Variants in CTNNA3 observed in about 807,000 individuals in gnomAD.
CTNNA3 encodes catenin alpha-3.
Under a neutral mutation model 95.7 loss-of-function variants are expected in CTNNA3, and 76 were observed. The ratio of observed to expected loss-of-function variants is 0.79; its 90% CI spans 0.66 to 0.96. The LOEUF (loss-of-function observed/expected upper bound fraction) is 0.96. CTNNA3 is among the 40% of genes least tolerant of loss of function. The probability of loss-of-function intolerance (pLI) is 0.00; values close to 1 mark genes in which losing one functional copy is unlikely to be tolerated. For synonymous variants in CTNNA3, 431 were observed against 374.4 expected, an observed-to-expected ratio of 1.15 and a Z score of -1.74; for missense variants, 1,191 against 1,089.8, an observed-to-expected ratio of 1.09 and a Z score of -1.31.
chr10:66,609,009 C>A (rs148597755), intron 10 of CTNNA3, among the ~76,000 whole-genome samples: 2 of 152,148 alleles, frequency 1.3e-5, no homozygotes, highest in East Asian at 3.9e-4. Flanking sequence ...AGAAAACTTA[C>A]AGAATGGGAG....
intron 11 of CTNNA3, among the ~76,000 whole-genome samples, chr10:66,496,696 G>A (rs777596132): frequency 6.6e-6 from 1 of 152,148 alleles, no homozygotes; most frequent in Non-Finnish European, 1.5e-5. Flanking sequence ...TTAGTTGACA[G>A]TGAACACACG....
chr10:66,906,630 T>A (rs1845998109), intron 7 of CTNNA3, among the ~76,000 whole-genome samples: 1 of 152,120 alleles, frequency 6.6e-6, no homozygotes, highest in South Asian at 2.1e-4. Flanking sequence ...TGATCCTGTT[T>A]CAAAAATTGA....
intron 7 of CTNNA3, among the ~76,000 whole-genome samples, chr10:66,849,877 A>T (rs1843421161): frequency 6.6e-6 from 1 of 151,042 alleles, no homozygotes; most frequent in East Asian, 1.9e-4. Context: ...GATTTATTGA[A>T]TGTAGATTTT....
At chr10:67,024,463 T>C (rs1853226726) in intron 7 of CTNNA3, among the ~76,000 whole-genome samples, 2 of 152,210 alleles carry the variant, frequency 1.3e-5, no homozygotes, top group African/African-American at 4.8e-5. Context: ...AAAGGTAACA[T>C]AGTTGCAGGT....
chr10:66,924,099 C>T (rs1846934950), intron 7 of CTNNA3, among the ~76,000 whole-genome samples: 1 of 152,188 alleles, frequency 6.6e-6, no homozygotes, highest in Non-Finnish European at 1.5e-5. Flanking sequence ...GAAAAGCACA[C>T]ACTCTTCCAT....
chr10:67,335,821 G>T (rs1288079503), intron 5 of CTNNA3, among the ~76,000 whole-genome samples: 1 of 151,786 alleles, frequency 6.6e-6, no homozygotes, highest in Non-Finnish European at 1.5e-5. Context: ...AGAACTTACT[G>T]TGTGTAAATG....
intron 9 of CTNNA3, among the ~76,000 whole-genome samples, chr10:66,667,720 A>G (rs1846505983): frequency 6.6e-6 from 1 of 152,024 alleles, no homozygotes; most frequent in Non-Finnish European, 1.5e-5. Context: ...TACTTCTTCA[A>G]TTTATCTATA....
chr10:66,947,919 C>T (rs918040301), intron 7 of CTNNA3, among the ~76,000 whole-genome samples: 1 of 152,112 alleles, frequency 6.6e-6, no homozygotes, highest in Non-Finnish European at 1.5e-5. Context: ...CTTACATAAA[C>T]CTAGATGACA....
chr10:66,541,209 T>G (rs1841840586), intron 10 of CTNNA3, among the ~76,000 whole-genome samples: 1 of 152,108 alleles, frequency 6.6e-6, no homozygotes, highest in African/African-American at 2.4e-5. Context: ...TTCAATTATT[T>G]TCTCTTAAGC....
chr10:66,767,368 C>T (rs937039279), intron 8 of CTNNA3, among the ~76,000 whole-genome samples: 7 of 151,136 alleles, frequency 4.6e-5, no homozygotes, highest in Admixed American at 2.0e-4. Context: ...ATCACTTGAA[C>T]CCAGGAGGAG....
At position 66,868,621 on chromosome 10, in the gene CTNNA3, G is replaced by C. The variant is rs545528132; in HGVS notation, c.1048-93097C>G. Among the ~76,000 whole-genome samples the C allele has an allele frequency of 1.9e-4, 28 of 150,782 alleles. 1 individual carries two copies. In the South Asian group the frequency reaches 5.7e-3, roughly 31 times the overall value. On this transcript the variant is annotated intron_variant, in intron 7 of 17. Coordinates refer to ENST00000433211, the MANE Select transcript of CTNNA3 (RefSeq NM_013266.4). The stretch of plus-strand genomic sequence containing the variant: ...CAAAAATTAGCCAGGCATAGGGGTG[G>C]GTGCCTGTAATCCCAGCTACTCAGG...
chr10:66,023,125 C>A (rs1226659658), intron 15 of CTNNA3, among the ~76,000 whole-genome samples: 1 of 152,176 alleles, frequency 6.6e-6, no homozygotes, highest in Non-Finnish European at 1.5e-5. Context: ...TAGAACAAAA[C>A]ATATCATGAA....
chr10:67,648,385 G>A (rs966209831), intron 1 of CTNNA3, among the ~76,000 whole-genome samples: 1 of 152,138 alleles, frequency 6.6e-6, no homozygotes, highest in African/African-American at 2.4e-5. Flanking sequence ...CACTGGCATC[G>A]TTGATTGCAA....
rs534952033 is a variant in CTNNA3, at chr10:67,143,591, C to G, written c.1047+36726G>C. On this transcript the variant is annotated intron_variant, in intron 7 of 17. Coordinates refer to ENST00000433211, the MANE Select transcript of CTNNA3 (RefSeq NM_013266.4). ...TCTAAATCCTTTGTTGTCATTTAAC[C>G]ATGTTCACAGCATCTTCACTGGGAA... is the stretch of plus-strand genomic sequence containing the variant. Among the ~76,000 whole-genome samples, 10 of 152,170 alleles carry G rather than the reference C, an allele frequency of 6.6e-5. No individual in the cohort carries two copies. The South Asian group carries it at 2.1e-3, about 32-fold the overall frequency.
chr10:67,606,993 C>G lies in CTNNA3; in HGVS notation c.156G>C (p.Ser52=), dbSNP rs61759502. ...AAGCTAGAAGGACACTGGCTCTTTT[C>G]GAACGTCCTTTTTTCCTGCTGGAAG... The part of the protein sequence containing the change: ...QNPSSRKKGR[S]KRASVLLASV... The change falls in exon 3 of 18, where the codon TCG becomes TCC. Residue 52 remains serine, a synonymous_variant. Transcript: ENST00000433211. 8.5e-5 allele frequency: 137 copies of G among 1,614,096 alleles called. No homozygotes were observed. The African/African-American group carries it at 1.6e-3, about 19-fold the overall frequency.
Position 67,564,677 on chromosome 10 carries a change from GTATATATATATATATATATATATATATA to G in CTNNA3, c.293-25036_293-25009del, listed in dbSNP as rs71006151. On this transcript the variant is annotated intron_variant, in intron 3 of 17. Transcript: ENST00000433211. ...TATATGCATATATGTGTGTGTGTGT[GTATATATATATATATATATATATATATA>G]TATATATATATATCACTATGATCAG... 4.6e-4 allele frequency among the ~76,000 whole-genome samples: 28 copies of G among 61,334 alleles called. 1 individual carries two copies. Among genetic ancestry groups the G allele is most frequent in the Non-Finnish European group, 6.2e-4 (20 of 32,068 alleles). 40.2% of individuals were successfully genotyped at this position (61,334 alleles called of 152,430 possible).
At chr10:66,633,892 A>C (rs1845244080) in intron 9 of CTNNA3, among the ~76,000 whole-genome samples, 1 of 152,052 alleles carries the variant, frequency 6.6e-6, no homozygotes, top group African/African-American at 2.4e-5. Flanking sequence ...TTAGTTTTCT[A>C]ATTTACAAAA....
intron 13 of CTNNA3, among the ~76,000 whole-genome samples, chr10:66,206,942 A>C (rs1392347854): frequency 6.6e-6 from 1 of 151,932 alleles, no homozygotes; most frequent in East Asian, 1.9e-4. Flanking sequence ...ATAATTAGTA[A>C]AACAAAATTA....
chr10:66,544,743 A>G (rs1308730896), intron 10 of CTNNA3, among the ~76,000 whole-genome samples: 2 of 152,164 alleles, frequency 1.3e-5, no homozygotes, highest in Non-Finnish European at 2.9e-5. Context: ...ACTCTAGTAA[A>G]CAAAAGCTAT....
Sources: gnomAD v4.1 joint callset for allele counts (sites outside exome capture counted in the v4.1 genomes callset) on GRCh38, gnomAD v4.1.1 for gene constraint, MANE v1.5 for transcripts, NCBI Gene and HGNC (gene_info 2026-07-23, HGNC 2026-07-21) for gene names.